Variants in CD274 observed in about 807,000 individuals in gnomAD.
CD274 encodes the protein programmed cell death 1 ligand 1.
A neutral mutation model predicts 30.1 loss-of-function variants in CD274; 8 were observed. That is an observed-to-expected ratio of 0.27 (90% CI 0.16 to 0.48). The LOEUF (loss-of-function observed/expected upper bound fraction) is 0.48. Ranked by LOEUF, CD274 falls within the 20% of genes least tolerant of loss-of-function variation. The pLI is 0.99. For synonymous variants in CD274, 152 were observed against 124.6 expected (o/e 1.22, Z -1.46); for missense variants, 353 against 346.6 (o/e 1.02, Z -0.15).
intron 3 of CD274, 29 bp from the exon 4 acceptor site, chr9:5,462,804 AG>A: frequency 6.3e-7 from 1 of 1,599,236 alleles, no homozygotes; most frequent in South Asian, 1.1e-5. Flanking sequence ...GCTCAGCAAA[AG>A]CCCTGACTTC....
At chr9:5,459,419 C>T (rs1411262) in intron 3 of CD274, among the ~76,000 whole-genome samples, 49,678 of 151,920 alleles carry the variant, frequency 0.33, 8,793 homozygotes, top group East Asian at 0.55. Context: ...GGAAATGAGG[C>T]AGCTGGCTTG....
chr9:5,467,222 G>C lies in CD274; in HGVS notation c.850+393G>C, dbSNP rs180888407. Among the ~76,000 whole-genome samples the C allele has an allele frequency of 8.3e-3, 1,105 of 132,548 alleles. 15 individuals carry two copies. The highest frequency in any genetic ancestry group is 0.03 in the African/African-American group (1,066 of 35,210). 87.0% of individuals were successfully genotyped at this position (132,548 alleles called of 152,430 possible). Reference sequence around the variant, plus strand: ...TACCAAAGAGAGAGAGAGAGAGAGAGAGAGAAATACTAGAATTTATCCTCA... The same window carrying C: ...TACCAAAGAGAGAGAGAGAGAGAGACAGAGAAATACTAGAATTTATCCTCA... On this transcript the variant is annotated intron_variant, in intron 6 of 6. Coordinates refer to ENST00000381577, the MANE Select transcript of CD274 (RefSeq NM_014143.4).
At chr9:5,451,386 G>C (rs1303557448) in intron 1 of CD274, among the ~76,000 whole-genome samples, 2 of 152,188 alleles carry the variant, frequency 1.3e-5, no homozygotes, top group African/African-American at 4.8e-5. Flanking sequence ...CAGTGGTTCT[G>C]TCTTAGCCAT....
chr9:5,469,185 A>C lies in CD274; in HGVS notation c.*1323A>C. 4.3e-6 allele frequency: 1 copy of C among 233,024 alleles called. No individual in the cohort carries two copies. Among genetic ancestry groups the C allele is most frequent in the Non-Finnish European group, 8.5e-6 (1 of 117,914 alleles). The allele number at this position is 233,024 out of a possible 1,614,324, so 14.4% of individuals were successfully genotyped here. ...AAATAACCCTGAAAAATAACACTGG[A>C]ATTCCTTTTCTAGCATTATATTTAT... On this transcript the variant is annotated 3_prime_UTR_variant, in exon 7 of 7. Coordinates refer to ENST00000381577, the MANE Select transcript of CD274 (RefSeq NM_014143.4).
In CD274 at chr9:5,470,107, T is replaced by G. The variant is rs202058485; in HGVS notation, c.*2245T>G. ...TGCCCTGGGAGATCCCAGAGTTTCC[T>G]TTCCCTCTTGGCCATATTCTGGTGT... On this transcript the variant is annotated 3_prime_UTR_variant, in exon 7 of 7. Transcript: ENST00000381577. 1 of 233,110 alleles carries G rather than the reference T, an allele frequency of 4.3e-6. No individual in the cohort carries two copies. Among genetic ancestry groups the G allele is most frequent in the East Asian group, 6.0e-5 (1 of 16,572 alleles). The allele number at this position is 233,110 out of a possible 1,614,324, so 14.4% of individuals were successfully genotyped here. A position where few individuals can be genotyped will look rare whatever the true frequency, so the allele number is the denominator to read the frequency against.
rs569746752 is a variant in CD274, at chr9:5,462,964, G to C, written c.525G>C (p.Leu175=). ...VIWTSSDHQV[L]SGKTTTTNSK... is the part of the protein sequence containing the mutation. ...GGACAAGCAGTGACCATCAAGTCCT[G>C]AGTGGTAAGACCACCACCACCAATT... is the stretch of plus-strand genomic sequence containing the variant. The change falls in exon 4 of 7, where the codon CTG becomes CTC. Residue 175 remains leucine, a synonymous_variant. Coordinates refer to ENST00000381577, the MANE Select transcript of CD274 (RefSeq NM_014143.4). 6.2e-7 allele frequency: 1 copy of C among 1,613,930 alleles called. No individual in the cohort carries two copies. Among genetic ancestry groups the C allele is most frequent in the Non-Finnish European group, 8.5e-7 (1 of 1,179,966 alleles).
intron 1 of CD274, among the ~76,000 whole-genome samples, chr9:5,453,517 C>G (rs1273295845): frequency 6.6e-6 from 1 of 152,076 alleles, no homozygotes; most frequent in East Asian, 1.9e-4. Flanking sequence ...GCTGAACACA[C>G]AAATACTTAT....
intron 4 of CD274, among the ~76,000 whole-genome samples, chr9:5,464,957 T>G (rs1819471015): frequency 6.6e-6 from 1 of 151,894 alleles, no homozygotes; most frequent in Non-Finnish European, 1.5e-5. Flanking sequence ...TGTGGTGGTG[T>G]GCACCTGTAA....
intron 1 of CD274, among the ~76,000 whole-genome samples, chr9:5,451,630 AG>A (rs1819205349): frequency 6.6e-6 from 1 of 152,242 alleles, no homozygotes; most frequent in Non-Finnish European, 1.5e-5. Flanking sequence ...AAAAGTAGGT[AG>A]GCAGAGGCCA....
Position 5,456,104 on chromosome 9 carries a change from T to C in CD274, c.-10T>C. 6 of 1,593,602 alleles carry C rather than the reference T, an allele frequency of 3.8e-6. No homozygotes were observed. The highest frequency in any genetic ancestry group is 5.2e-6 in the Non-Finnish European group (6 of 1,161,920). On this transcript the variant is annotated 5_prime_UTR_variant, in exon 2 of 7. Transcript: ENST00000381577. ...TTTCGTGTTTTCCATAATTAGGGCA[T>C]TCCAGAAAGATGAGGATATTTGCTG...
chr9:5,463,237 C>A, intron 4 of CD274, 116 bp downstream of exon 4: 1 of 794,044 alleles, frequency 1.3e-6, no homozygotes, highest in Non-Finnish European at 2.1e-6. Flanking sequence ...GAATGAATAA[C>A]ACTATGTTTA....
chr9:5,455,058 T>C (rs1356527191), intron 1 of CD274, among the ~76,000 whole-genome samples: 3 of 152,176 alleles, frequency 2.0e-5, no homozygotes, highest in African/African-American at 7.2e-5. Flanking sequence ...TCCTGTCTTA[T>C]ATATACGTGG....
At chr9:5,456,077 CT>C (rs1378236630) in intron 1 of CD274, 22 bp from the exon 2 acceptor site, 1 of 1,385,398 alleles carries the variant, frequency 7.2e-7, no homozygotes, top group Admixed American at 1.7e-5. Context: ...AAGCAGTCTT[CT>C]TTTCGTGTTT....
chr9:5,454,019 A>T (rs1396207970), intron 1 of CD274, among the ~76,000 whole-genome samples: 1 of 152,242 alleles, frequency 6.6e-6, no homozygotes, highest in Non-Finnish European at 1.5e-5. Flanking sequence ...TAATTCCATT[A>T]TATTACTTTA....
intron 2 of CD274, among the ~76,000 whole-genome samples, chr9:5,456,710 C>T (rs1563802638): frequency 6.6e-6 from 1 of 152,234 alleles, no homozygotes; most frequent in African/African-American, 2.4e-5. Flanking sequence ...CTACCATTCC[C>T]TCTATGTAGG....
At chr9:5,451,692 G>A (rs189546415) in intron 1 of CD274, among the ~76,000 whole-genome samples, 163 of 152,330 alleles carry the variant, frequency 1.1e-3, no homozygotes, top group African/African-American at 3.7e-3. Flanking sequence ...AAATACTGTG[G>A]GGAATTGAAA....
chr9:5,458,439 G>A lies in CD274; in HGVS notation c.394+1019G>A, dbSNP rs117332147. Reference sequence around the variant, plus strand: ...TAGTAAGCTGAAATCTGCCCCTCTAGTTGTAGTCTTGGGATTATTTCATTT... The same window carrying A: ...TAGTAAGCTGAAATCTGCCCCTCTAATTGTAGTCTTGGGATTATTTCATTT... On this transcript the variant is annotated intron_variant, in intron 3 of 6. Transcript: ENST00000381577. Among the ~76,000 whole-genome samples, 1,318 of 152,206 alleles carry A rather than the reference G, an allele frequency of 8.7e-3. 5 individuals carry two copies. Among genetic ancestry groups the A allele is most frequent in the Non-Finnish European group, 0.013 (891 of 68,018 alleles).
chr9:5,457,304 C>T lies in CD274; in HGVS notation c.278C>T (p.Ser93Phe), dbSNP rs2131212368. Residue 93 changes from serine (S) to phenylalanine (F), a missense_variant, in exon 3 of 7, where the codon TCC becomes TTC. Transcript: ENST00000381577. ...QRARLLKDQL[S>F]LGNAALQITD... Reference sequence around the variant, plus strand: ...GCCCGGCTGTTGAAGGACCAGCTCTCCCTGGGAAATGCTGCACTTCAGATC... The same window carrying T: ...GCCCGGCTGTTGAAGGACCAGCTCTTCCTGGGAAATGCTGCACTTCAGATC... The T allele has an allele frequency of 1.2e-6, 2 of 1,614,040 alleles. No homozygotes were observed. Among genetic ancestry groups the T allele is most frequent in the Non-Finnish European group, 1.7e-6 (2 of 1,179,982 alleles).
chr9:5,460,421 G>C lies in CD274; in HGVS notation c.395-2413G>C, dbSNP rs182277975. ...TTCCTCCTGGAAATGACTCTAGGGG[G>C]TAAGTGCTTCATCATGTAAGATGAG... On this transcript the variant is annotated intron_variant, in intron 3 of 6. Transcript: ENST00000381577. 3.0e-4 allele frequency among the ~76,000 whole-genome samples: 45 copies of C among 152,224 alleles called. No individual in the cohort carries two copies. In the East Asian group the frequency reaches 8.3e-3, roughly 28 times the overall value.
Sources: gnomAD v4.1 joint callset for allele counts (sites outside exome capture counted in the v4.1 genomes callset) on GRCh38, gnomAD v4.1.1 for gene constraint, MANE v1.5 for transcripts, NCBI Gene and HGNC (gene_info 2026-07-23, HGNC 2026-07-21) for gene names.